Variants in NPAS3 observed in about 807,000 individuals in gnomAD.
NPAS3 encodes the protein neuronal PAS domain-containing protein 3.
NPAS3 carries 14 observed loss-of-function variants against 73.1 expected under a neutral mutation model. That is an observed-to-expected ratio of 0.19 (90% CI 0.13 to 0.30). The LOEUF (loss-of-function observed/expected upper bound fraction) is 0.30, where lower values mean the gene tolerates loss of function less well. Among genes scored for constraint, NPAS3 ranks in the 10% least tolerant of loss-of-function variants. NPAS3 has a pLI of 1.00. For missense variants in NPAS3, 1,096 were observed against 1,250.0 expected (o/e 0.88, Z 1.86); for synonymous variants, 620 against 541.5 (o/e 1.14, Z -2.01).
chr14:33,674,738 C>T (rs765111993), intron 5 of NPAS3, among the ~76,000 whole-genome samples: 2 of 152,154 alleles, frequency 1.3e-5, no homozygotes, highest in Non-Finnish European at 2.9e-5. Context: ...AAAAGTTACG[C>T]GAGCCTTTTT....
intron 2 of NPAS3, among the ~76,000 whole-genome samples, chr14:33,148,375 G>A (rs1191625197): frequency 1.3e-5 from 2 of 152,078 alleles, no homozygotes; most frequent in Admixed American, 1.3e-4. Context: ...ATTACAAACT[G>A]TTTTGTTGTA....
intron 5 of NPAS3, chr14:33,583,404 G>T (rs1567028504): frequency 6.6e-6 from 1 of 152,100 alleles, no homozygotes; most frequent in South Asian, 2.1e-4. Context: ...AAATAAATTG[G>T]GGTAACTATA....
chr14:33,113,666 T>C (rs1285452676), intron 2 of NPAS3, among the ~76,000 whole-genome samples: 1 of 152,178 alleles, frequency 6.6e-6, no homozygotes, highest in Non-Finnish European at 1.5e-5. Flanking sequence ...TATTTCCTTC[T>C]CCTGCCTGAT....
chr14:32,940,131 A>G (rs1245718213), intron 1 of NPAS3, among the ~76,000 whole-genome samples: 1 of 152,224 alleles, frequency 6.6e-6, no homozygotes, highest in African/African-American at 2.4e-5. Context: ...GAGATCCAAA[A>G]TGTGTCAGCA....
intron 5 of NPAS3, among the ~76,000 whole-genome samples, chr14:33,648,974 TGAG>T (rs1249092465): frequency 2.0e-5 from 3 of 152,188 alleles, no homozygotes; most frequent in Non-Finnish European, 2.9e-5. Context: ...TTTCCTCTGT[TGAG>T]GAACTCATCC....
intron 2 of NPAS3, among the ~76,000 whole-genome samples, chr14:33,195,863 A>C (rs886134322): frequency 1.3e-5 from 2 of 152,222 alleles, no homozygotes. Context: ...TGAAGGCTGA[A>C]CAATGGGGGA....
At chr14:33,474,402 G>T (rs1286744986) in intron 4 of NPAS3, among the ~76,000 whole-genome samples, 1 of 152,048 alleles carries the variant, frequency 6.6e-6, no homozygotes, top group East Asian at 1.9e-4. Flanking sequence ...CAAGGAAACT[G>T]CCTATACAAA....
intron 4 of NPAS3, among the ~76,000 whole-genome samples, chr14:33,443,608 A>G (rs1004831189): frequency 6.6e-6 from 1 of 152,196 alleles, no homozygotes; most frequent in African/African-American, 2.4e-5. Context: ...CAAAGGCTTT[A>G]TTGACTCCAG....
chr14:33,719,632 A>C (rs1356009209), intron 6 of NPAS3, among the ~76,000 whole-genome samples: 1 of 152,172 alleles, frequency 6.6e-6, no homozygotes, highest in Non-Finnish European at 1.5e-5. Flanking sequence ...TCTTAAGGAG[A>C]TTAAAACAAA....
At chr14:33,502,858 T>C (rs1256854071) in intron 4 of NPAS3, among the ~76,000 whole-genome samples, 1 of 151,984 alleles carries the variant, frequency 6.6e-6, no homozygotes, top group African/African-American at 2.4e-5. Context: ...GCACTGCAGA[T>C]TGAGTCACTA....
chr14:33,594,757 T>G (rs1453600172), intron 5 of NPAS3, among the ~76,000 whole-genome samples: 1 of 152,210 alleles, frequency 6.6e-6, no homozygotes, highest in Non-Finnish European at 1.5e-5. Context: ...TCAGCCTAGA[T>G]GTAACCTCTT....
intron 5 of NPAS3, among the ~76,000 whole-genome samples, chr14:33,645,553 T>C (rs1202458483): frequency 6.6e-6 from 1 of 152,204 alleles, no homozygotes; most frequent in Middle Eastern, 3.2e-3. Context: ...AGTATCTGCA[T>C]AAAAGCAGCT....
At chr14:33,124,848 A>G (rs1162364866) in intron 2 of NPAS3, among the ~76,000 whole-genome samples, 1 of 152,108 alleles carries the variant, frequency 6.6e-6, no homozygotes, top group Non-Finnish European at 1.5e-5. Context: ...ACAAGAAGAA[A>G]AGGGCAATGA....
chr14:33,237,862 G>A (rs1292900888), intron 3 of NPAS3, among the ~76,000 whole-genome samples: 1 of 151,310 alleles, frequency 6.6e-6, no homozygotes, highest in Non-Finnish European at 1.5e-5. Context: ...ATGCATTTTT[G>A]CATATGCTAT....
Position 33,474,364 on chromosome 14 carries a change from T to C in NPAS3, c.469-85757T>C, listed in dbSNP as rs151144517. On this transcript the variant is annotated intron_variant, in intron 4 of 11. Transcript: ENST00000356141. ...TCTGGATTATATTGACAAGGAAAGA[T>C]AACTACAGTATGTTTAGTAAAAATA... is the stretch of plus-strand genomic sequence containing the variant. 4.8e-3 allele frequency among the ~76,000 whole-genome samples: 731 copies of C among 152,244 alleles called. 4 individuals carry two copies. Among genetic ancestry groups the C allele is most frequent in the African/African-American group, 0.017 (688 of 41,544 alleles).
At chr14:33,686,239 G>A (rs555998411) in intron 6 of NPAS3, among the ~76,000 whole-genome samples, 4 of 152,222 alleles carry the variant, frequency 2.6e-5, no homozygotes, top group Admixed American at 6.5e-5. Flanking sequence ...GCTGCATTTG[G>A]GAGGCAGGAA....
At chr14:33,453,043 G>T (rs978525693) in intron 4 of NPAS3, among the ~76,000 whole-genome samples, 3 of 152,074 alleles carry the variant, frequency 2.0e-5, no homozygotes, top group Non-Finnish European at 4.4e-5. Context: ...GGTGACAGAG[G>T]CTCCTGATTC....
chr14:33,155,966 C>T (rs1958008), intron 2 of NPAS3, among the ~76,000 whole-genome samples: 44,321 of 152,078 alleles, frequency 0.29, 6,672 homozygotes, highest in East Asian at 0.46. Context: ...TAAAAACTTA[C>T]TTTGAAAGCT....
At chr14:33,694,444 G>A (rs532182229) in intron 6 of NPAS3, among the ~76,000 whole-genome samples, 17 of 152,236 alleles carry the variant, frequency 1.1e-4, no homozygotes, top group Admixed American at 7.2e-4. Context: ...AGGAACCTGC[G>A]TATAACATTT....
Sources: allele counts gnomAD v4.1 joint callset (sites outside exome capture counted in the v4.1 genomes callset), GRCh38; gene constraint gnomAD v4.1.1; transcripts MANE v1.5; gene names NCBI Gene and HGNC (gene_info 2026-07-23, HGNC 2026-07-21).